PRDM5: variants seen among roughly 807,000 people sequenced by gnomAD.
The protein encoded by PRDM5 is PR/SET domain 5.
In PRDM5, 56 loss-of-function variants were observed where a neutral mutation model predicts 81.2. The ratio of observed to expected loss-of-function variants is 0.69; its 90% CI spans 0.56 to 0.86. The LOEUF (loss-of-function observed/expected upper bound fraction) is 0.86. PRDM5 is among the 40% of genes least tolerant of loss of function. The pLI is 0.00. For synonymous variants in PRDM5, 267 were observed against 256.4 expected (o/e 1.04, Z -0.39); for missense variants, 697 against 770.1 (o/e 0.91, Z 1.12).
chr4:120,768,179 T>G (rs1217965507), intron 13 of PRDM5, among the ~76,000 whole-genome samples: 1 of 152,226 alleles, frequency 6.6e-6, no homozygotes, highest in Admixed American at 6.5e-5. Context: ...TCCTCATCTT[T>G]TATACTGGGG....
intron 3 of PRDM5, among the ~76,000 whole-genome samples, chr4:120,846,870 A>C (rs1311456523): frequency 6.6e-6 from 1 of 152,160 alleles, no homozygotes; most frequent in African/African-American, 2.4e-5. Flanking sequence ...GGTACGTAGC[A>C]GATGCTCCAT....
intron 3 of PRDM5, among the ~76,000 whole-genome samples, chr4:120,830,002 C>G (rs1756511034): frequency 6.6e-6 from 1 of 152,046 alleles, no homozygotes; most frequent in Admixed American, 6.6e-5. Context: ...TTACTAAACT[C>G]CTGAATCAGT....
intron 13 of PRDM5, among the ~76,000 whole-genome samples, chr4:120,758,020 C>A (rs1745037309): frequency 6.6e-6 from 1 of 152,048 alleles, no homozygotes; most frequent in Non-Finnish European, 1.5e-5. Flanking sequence ...GTACCTACAT[C>A]AACAAACCCC....
At chr4:120,770,119 G>A (rs1391367432) in intron 13 of PRDM5, among the ~76,000 whole-genome samples, 3 of 152,030 alleles carry the variant, frequency 2.0e-5, no homozygotes, top group Non-Finnish European at 2.9e-5. Context: ...TGCAACCTCC[G>A]CCTTCCAGGT....
At chr4:120,813,816 C>T (rs1466976333) in intron 7 of PRDM5, among the ~76,000 whole-genome samples, 2 of 152,108 alleles carry the variant, frequency 1.3e-5, no homozygotes, top group Non-Finnish European at 2.9e-5. Flanking sequence ...CTGTCCTAGC[C>T]CTCATAGCAA....
At chr4:120,706,727 A>C (rs1736216039) in intron 15 of PRDM5, among the ~76,000 whole-genome samples, 1 of 144,022 alleles carries the variant, frequency 6.9e-6, no homozygotes, top group Admixed American at 7.2e-5. Context: ...ATATATATAT[A>C]AATTATATAT....
Position 120,710,404 on chromosome 4 carries a change from A to G in PRDM5, c.1633T>C (p.Tyr545His), listed in dbSNP as rs142515463. 6.2e-4 allele frequency: 995 copies of G among 1,614,008 alleles called. 5 individuals are homozygous for G. The highest frequency in any genetic ancestry group is 4.8e-3 in the South Asian group (439 of 91,078). The part of the protein sequence containing the change: ...HIRTHTREKP[Y>H]KCSECSKAFS... The stretch of plus-strand genomic sequence containing the variant: ...GCCTTGCTGCACTCTGAGCACTTGT[A>G]CGGCTTCTCCTGCAGTCAACAAAAA... Residue 545 changes from tyrosine (Y) to histidine (H), a missense_variant, in exon 15 of 16, where the codon TAC becomes CAC. Physicochemically the swap from Tyr to His is moderately conservative, Grantham distance 83. This residue lies in a region of PRDM5 where 86 missense variants were observed against 135.2 expected (regional missense o/e 0.64). Transcript: ENST00000264808.
intron 8 of PRDM5, among the ~76,000 whole-genome samples, chr4:120,801,130 G>A (rs1752062297): frequency 6.6e-6 from 1 of 152,144 alleles, no homozygotes; most frequent in African/African-American, 2.4e-5. Flanking sequence ...TCATGTTTTT[G>A]TTTCAACCTC....
At chr4:120,900,636 T>C (rs576633029) in intron 2 of PRDM5, among the ~76,000 whole-genome samples, 2 of 152,306 alleles carry the variant, frequency 1.3e-5, no homozygotes, top group Admixed American at 1.3e-4. Context: ...ATATTTTAAC[T>C]GATAAATGGA....
chr4:120,910,473 T>C (rs1766386653), intron 1 of PRDM5, among the ~76,000 whole-genome samples: 1 of 152,202 alleles, frequency 6.6e-6, no homozygotes, highest in Non-Finnish European at 1.5e-5. Flanking sequence ...CACTGTTGTC[T>C]CTATCATACA....
chr4:120,821,638 G>T (rs539507076), intron 3 of PRDM5, among the ~76,000 whole-genome samples: 1 of 152,040 alleles, frequency 6.6e-6, no homozygotes, highest in Admixed American at 6.5e-5. Flanking sequence ...AACACTTTGT[G>T]GTGGCCTATA....
chr4:120,827,904 C>T (rs1023073664), intron 3 of PRDM5, among the ~76,000 whole-genome samples: 5 of 152,070 alleles, frequency 3.3e-5, no homozygotes, highest in African/African-American at 1.2e-4. Context: ...AATACAATGC[C>T]CCTAGACTTA....
intron 7 of PRDM5, 43 bp downstream of exon 7, chr4:120,816,410 G>T (rs1334172658): frequency 1.2e-6 from 2 of 1,613,920 alleles, no homozygotes; most frequent in East Asian, 4.5e-5. Context: ...GCAGCCTGGG[G>T]AAAGGAAGCC....
chr4:120,915,514 C>T (rs1234747399), intron 1 of PRDM5, among the ~76,000 whole-genome samples: 11 of 152,166 alleles, frequency 7.2e-5, no homozygotes, highest in Non-Finnish European at 1.6e-4. Flanking sequence ...AAGAGCGGAA[C>T]AGCAGCTGCT....
chr4:120,790,785 A>G (rs1376816549), intron 10 of PRDM5, among the ~76,000 whole-genome samples: 1 of 152,172 alleles, frequency 6.6e-6, no homozygotes, highest in Non-Finnish European at 1.5e-5. Flanking sequence ...TAAATAAAAA[A>G]ACAGTTGGAT....
At chr4:120,836,157 G>GA (rs1033469428) in intron 3 of PRDM5, among the ~76,000 whole-genome samples, 7 of 152,138 alleles carry the variant, frequency 4.6e-5, no homozygotes, top group Non-Finnish European at 8.8e-5. Context: ...GTGTTCATCA[G>GA]AAAGAGAAAC....
intron 2 of PRDM5, among the ~76,000 whole-genome samples, chr4:120,879,048 G>A (rs1461561440): frequency 6.6e-6 from 1 of 152,142 alleles, no homozygotes; most frequent in Non-Finnish European, 1.5e-5. Flanking sequence ...ATTTACCCAA[G>A]TGAGTTGAAA....
intron 3 of PRDM5, among the ~76,000 whole-genome samples, chr4:120,834,847 A>G (rs1351827233): frequency 6.6e-6 from 1 of 152,086 alleles, no homozygotes; most frequent in South Asian, 2.1e-4. Context: ...CTCAGACTCA[A>G]ATTCAGGTCT....
At chr4:120,865,226 C>T (rs942167054) in intron 2 of PRDM5, among the ~76,000 whole-genome samples, 1 of 152,170 alleles carries the variant, frequency 6.6e-6, no homozygotes, top group African/African-American at 2.4e-5. Context: ...GTTGTCTTTT[C>T]CAGAGATATG....
Sources: gnomAD v4.1 joint callset for allele counts (sites outside exome capture counted in the v4.1 genomes callset) on GRCh38, gnomAD v4.1.1 for gene constraint, gnomAD v4.1.1 regional missense constraint, MANE v1.5 for transcripts, NCBI Gene and HGNC (gene_info 2026-07-23, HGNC 2026-07-21) for gene names.